ATP2B2: variants seen among roughly 807,000 people sequenced by gnomAD.
ATP2B2 encodes plasma membrane calcium-transporting ATPase 2.
In ATP2B2, 15 loss-of-function variants were observed where a neutral mutation model predicts 120.0. That is an observed-to-expected ratio of 0.12 (90% CI 0.08 to 0.19). ATP2B2 has a LOEUF of 0.19. ATP2B2 is among the 10% of genes least tolerant of loss of function. The pLI, the probability that ATP2B2 is intolerant of heterozygous loss-of-function variation, is 1.00. For synonymous variants in ATP2B2, 694 were observed against 700.3 expected, an observed-to-expected ratio of 0.99 and a Z score of 0.14; for missense variants, 1,045 against 1,719.8, an observed-to-expected ratio of 0.61 and a Z score of 6.94.
At chr3:10,378,498 A>C in intron 9 of ATP2B2, 88 bp from the exon 10 acceptor site, 1 of 1,548,406 alleles carries the variant, frequency 6.5e-7, no homozygotes. Context: ...GCTGGCACCC[A>C]CCCCTGCCTG....
At chr3:10,391,343 GTCTGAGACACATTCTGC>G (rs1409501651) in intron 5 of ATP2B2, among the ~76,000 whole-genome samples, 1 of 152,150 alleles carries the variant, frequency 6.6e-6, no homozygotes, top group African/African-American at 2.4e-5. Flanking sequence ...TCACATTCTG[GTCTGAGACACATTCTGC>G]TCTGAGTAGA....
At chr3:10,524,181 T>G (rs1466276814) in intron 3 of ATP2B2, among the ~76,000 whole-genome samples, 2 of 152,124 alleles carry the variant, frequency 1.3e-5, no homozygotes, top group Non-Finnish European at 2.9e-5. Flanking sequence ...TAAGTGAGTC[T>G]GTGACGCCTG....
chr3:10,559,816 G>A (rs937698565), intron 2 of ATP2B2, among the ~76,000 whole-genome samples: 4 of 152,196 alleles, frequency 2.6e-5, no homozygotes, highest in African/African-American at 4.8e-5. Context: ...TTCCTTCCGC[G>A]GGGAGCTCAG....
chr3:10,486,326 T>TGTGTGCGTGTGTGC (rs386417995), intron 1 of ATP2B2, among the ~76,000 whole-genome samples: 1 of 104,992 alleles, frequency 9.5e-6, no homozygotes, highest in East Asian at 2.2e-4. Flanking sequence ...TGTGCGTGCG[T>TGTGTGCGTGTGTGC]GTGTGTGTGT....
intron 3 of ATP2B2, among the ~76,000 whole-genome samples, chr3:10,403,037 C>T (rs1445525668): frequency 2.0e-5 from 3 of 152,114 alleles, no homozygotes; most frequent in African/African-American, 7.3e-5. Flanking sequence ...CATTACATTG[C>T]CCAGGCAGGT....
chr3:10,492,801 T>C (rs894038642), intron 1 of ATP2B2, among the ~76,000 whole-genome samples: 4 of 152,072 alleles, frequency 2.6e-5, no homozygotes, highest in African/African-American at 9.7e-5. Flanking sequence ...CCGGGTCAAG[T>C]GTGATGGTGA....
intron 2 of ATP2B2, among the ~76,000 whole-genome samples, chr3:10,594,352 C>T (rs1041454479): frequency 5.3e-4 from 80 of 152,118 alleles, no homozygotes; most frequent in African/African-American, 1.8e-3. Flanking sequence ...ATTAAGAAAA[C>T]GTGGCACATA....
At chr3:10,405,741 T>C (rs1290026202) in intron 3 of ATP2B2, among the ~76,000 whole-genome samples, 1 of 152,210 alleles carries the variant, frequency 6.6e-6, no homozygotes, top group South Asian at 2.1e-4. Context: ...CGGGCCTGTC[T>C]GCATGTTCAC....
intron 5 of ATP2B2, chr3:10,394,501 T>C (rs1476475429): frequency 4.2e-6 from 2 of 471,014 alleles, no homozygotes. Context: ...CCGTGCTCTA[T>C]CCACTACACC....
intron 2 of ATP2B2, among the ~76,000 whole-genome samples, chr3:10,607,656 C>T (rs975668817): frequency 4.6e-5 from 7 of 152,244 alleles, no homozygotes; most frequent in Non-Finnish European, 1.0e-4. Flanking sequence ...ATGGCATCCA[C>T]TTTCCACACT....
chr3:10,355,524 G>C (rs2060691043), intron 14 of ATP2B2, among the ~76,000 whole-genome samples: 1 of 152,160 alleles, frequency 6.6e-6, no homozygotes, highest in Non-Finnish European at 1.5e-5. Flanking sequence ...GGACCCAAGG[G>C]GCACCTGGGC....
At chr3:10,596,952 C>A (rs900136872) in intron 2 of ATP2B2, among the ~76,000 whole-genome samples, 1 of 152,146 alleles carries the variant, frequency 6.6e-6, no homozygotes, top group South Asian at 2.1e-4. Flanking sequence ...ACACCACAGG[C>A]GAGTACGCGT....
chr3:10,688,678 A>T (rs2071584549), intron 1 of ATP2B2, among the ~76,000 whole-genome samples: 1 of 152,166 alleles, frequency 6.6e-6, no homozygotes, highest in African/African-American at 2.4e-5. Flanking sequence ...CTCCTGCGCC[A>T]GGCCTCCTAT....
Position 10,390,752 on chromosome 3 carries a change from T to C in ATP2B2, c.782-2350A>G, listed in dbSNP as rs1325302720. ...CCAGGACAGAAGGACAGTGCTTTTT[T>C]TCCCCCTTGGCAGGGCACAGTGGGG... On this transcript the variant is annotated intron_variant, in intron 5 of 22. Coordinates refer to ENST00000360273, the MANE Select transcript of ATP2B2 (RefSeq NM_001001331.4). Among the ~76,000 whole-genome samples, 3 of 152,162 alleles carry C rather than the reference T, an allele frequency of 2.0e-5. No individual in the cohort carries two copies. The East Asian group carries it at 5.8e-4, about 29-fold the overall frequency.
intron 1 of ATP2B2, among the ~76,000 whole-genome samples, chr3:10,462,750 G>C (rs1006963759): frequency 6.6e-6 from 1 of 152,192 alleles, no homozygotes; most frequent in African/African-American, 2.4e-5. Flanking sequence ...GAGCATGGCT[G>C]TCTCTGGATT....
At chr3:10,479,513 G>A (rs1278399220) in intron 1 of ATP2B2, among the ~76,000 whole-genome samples, 1 of 151,894 alleles carries the variant, frequency 6.6e-6, no homozygotes, top group African/African-American at 2.4e-5. Context: ...AAACATGTTT[G>A]TGTGACTGTT....
intron 16 of ATP2B2, among the ~76,000 whole-genome samples, chr3:10,348,274 G>A (rs1000464299): frequency 9.2e-5 from 14 of 152,172 alleles, no homozygotes; most frequent in African/African-American, 2.9e-4. Context: ...TCTCAGACCC[G>A]CACCTGGCAG....
intron 1 of ATP2B2, among the ~76,000 whole-genome samples, chr3:10,658,681 T>C (rs1575599107): frequency 6.6e-6 from 1 of 152,128 alleles, no homozygotes; most frequent in South Asian, 2.1e-4. Context: ...CAGGATATTA[T>C]CCAGGAGAAC....
At chr3:10,542,898 T>C (rs2067470077) in intron 2 of ATP2B2, among the ~76,000 whole-genome samples, 1 of 152,216 alleles carries the variant, frequency 6.6e-6, no homozygotes, top group Non-Finnish European at 1.5e-5. Context: ...TTGGGATTTT[T>C]TGGCCGTTAT....
Sources: allele counts gnomAD v4.1 joint callset (sites outside exome capture counted in the v4.1 genomes callset), GRCh38; gene constraint gnomAD v4.1.1; transcripts MANE v1.5; gene names NCBI Gene and HGNC (gene_info 2026-07-23, HGNC 2026-07-21).